The following CPED1 variants were observed in gnomAD, a reference collection of about 807,000 sequenced individuals.
CPED1 encodes cadherin-like and PC-esterase domain-containing protein 1.
Under a neutral mutation model 128.2 loss-of-function variants are expected in CPED1, and 114 were observed. That is an observed-to-expected ratio of 0.89 (90% CI 0.76 to 1.04). The LOEUF is 1.04. CPED1 is among the 50% of genes least tolerant of loss of function. The pLI, the probability that CPED1 is intolerant of heterozygous loss-of-function variation, is 0.00. For missense variants in CPED1, 1,211 were observed against 1,207.1 expected (o/e 1.00, Z -0.05); for synonymous variants, 462 against 426.7 (o/e 1.08, Z -1.02).
chr7:121,008,675 T>C (rs1445437451), intron 2 of CPED1, among the ~76,000 whole-genome samples: 1 of 152,156 alleles, frequency 6.6e-6, no homozygotes, highest in Non-Finnish European at 1.5e-5. Flanking sequence ...AAAGAGCTCC[T>C]GGATCATTCT....
chr7:121,247,737 G>T (rs550531884), intron 18 of CPED1, among the ~76,000 whole-genome samples: 1 of 152,232 alleles, frequency 6.6e-6, no homozygotes, highest in East Asian at 1.9e-4. Context: ...AGACATAGAT[G>T]GTACCTGAGC....
At chr7:121,117,504 TTTTTCTTC>T (rs1181801923) in intron 7 of CPED1, among the ~76,000 whole-genome samples, 1 of 152,132 alleles carries the variant, frequency 6.6e-6, no homozygotes, top group Non-Finnish European at 1.5e-5. Context: ...TTTTTTTCTC[TTTTTCTTC>T]TATTGTTAAA....
At chr7:120,995,915 CCTT>C (rs1423407572) in intron 2 of CPED1, among the ~76,000 whole-genome samples, 5 of 91,732 alleles carry the variant, frequency 5.5e-5, no homozygotes, top group African/African-American at 1.8e-4. Flanking sequence ...TTCTTCTTCT[CCTT>C]CTCCTCCTCC....
chr7:121,014,070 C>T (rs1332578591), intron 2 of CPED1, among the ~76,000 whole-genome samples: 1 of 151,968 alleles, frequency 6.6e-6, no homozygotes, highest in Non-Finnish European at 1.5e-5. Context: ...TAATGTTTGA[C>T]TATTGAGAGT....
intron 16 of CPED1, among the ~76,000 whole-genome samples, chr7:121,219,437 A>C (rs1485500470): frequency 1.3e-5 from 2 of 152,162 alleles, no homozygotes; most frequent in Admixed American, 6.6e-5. Context: ...AAAGAAAAAA[A>C]CTTTATATTA....
intron 18 of CPED1, among the ~76,000 whole-genome samples, chr7:121,250,716 A>G (rs942395089): frequency 7.2e-5 from 11 of 152,192 alleles, no homozygotes; most frequent in African/African-American, 2.4e-4. Context: ...TAGAAAATCT[A>G]GAAGAAATGG....
chr7:121,284,547 C>G (rs1414357131), intron 22 of CPED1, among the ~76,000 whole-genome samples: 1 of 152,176 alleles, frequency 6.6e-6, no homozygotes, highest in Non-Finnish European at 1.5e-5. Context: ...TAGTTACTTC[C>G]TAGATAAAAT....
At position 121,071,842 on chromosome 7, in the gene CPED1, TCTTCAG is replaced by T. The variant is rs571985934; in HGVS notation, c.616+7543_616+7548del. ...TTGAGTTTATCCATGATCTCATTTC[TCTTCAG>T]CTTCAGCTTCAGCCTCCCACCTCTG... On this transcript the variant is annotated intron_variant, in intron 5 of 22. Coordinates refer to ENST00000310396, the MANE Select transcript of CPED1 (RefSeq NM_024913.5). 4.6e-4 allele frequency among the ~76,000 whole-genome samples: 70 copies of T among 152,274 alleles called. No homozygotes were observed. In the East Asian group the frequency reaches 7.0e-3, roughly 15 times the overall value.
chr7:121,228,492 G>A (rs1798066411), intron 16 of CPED1, among the ~76,000 whole-genome samples: 1 of 150,312 alleles, frequency 6.7e-6, no homozygotes, highest in South Asian at 2.1e-4. Context: ...AAAAATAGAT[G>A]TTGGCAAGGA....
At chr7:121,139,650 T>A (rs969042865) in intron 14 of CPED1, among the ~76,000 whole-genome samples, 2 of 152,034 alleles carry the variant, frequency 1.3e-5, no homozygotes, top group African/African-American at 4.8e-5. Context: ...TATTGGGAGC[T>A]TGGACTTGAC....
chr7:121,167,177 T>A (rs1796549121), intron 16 of CPED1, among the ~76,000 whole-genome samples: 1 of 152,168 alleles, frequency 6.6e-6, no homozygotes, highest in East Asian at 1.9e-4. Context: ...TAGATGATTA[T>A]CTCTATGCCC....
chr7:121,157,371 G>C (rs1357539046), intron 16 of CPED1, among the ~76,000 whole-genome samples: 1 of 152,148 alleles, frequency 6.6e-6, no homozygotes, highest in African/African-American at 2.4e-5. Flanking sequence ...GTGCACCAGG[G>C]AGCCCTGCAA....
At chr7:121,091,357 T>C (rs1341568641) in intron 5 of CPED1, among the ~76,000 whole-genome samples, 6 of 152,208 alleles carry the variant, frequency 3.9e-5, no homozygotes, top group Non-Finnish European at 2.9e-5. Flanking sequence ...CATGTATAAG[T>C]AAAGATACTG....
At chr7:121,231,920 T>C (rs1361175700) in intron 16 of CPED1, among the ~76,000 whole-genome samples, 1 of 152,128 alleles carries the variant, frequency 6.6e-6, no homozygotes, top group Non-Finnish European at 1.5e-5. Context: ...ATAGAATGAA[T>C]CCATACAGAC....
chr7:121,080,879 T>G (rs1214158277), intron 5 of CPED1, among the ~76,000 whole-genome samples: 1 of 152,100 alleles, frequency 6.6e-6, no homozygotes, highest in Non-Finnish European at 1.5e-5. Flanking sequence ...ACAAGTGTTA[T>G]AAAAGAAAAA....
At chr7:121,189,798 A>AT (rs869279165) in intron 16 of CPED1, among the ~76,000 whole-genome samples, 12,263 of 49,330 alleles carry the variant, frequency 0.25, 1,395 homozygotes, top group Admixed American at 0.3. Flanking sequence ...ATATATATAT[A>AT]AAATTTGTAT....
chr7:121,238,859 T>C (rs763732598), intron 17 of CPED1, among the ~76,000 whole-genome samples: 1 of 151,888 alleles, frequency 6.6e-6, no homozygotes, highest in Non-Finnish European at 1.5e-5. Flanking sequence ...AGAGAAGAGA[T>C]TGTCCCTTAT....
chr7:121,130,161 A>G lies in CPED1; in HGVS notation c.1444A>G (p.Met482Val), dbSNP rs1480052194. ...TACTACTCCTGGGATTCAGTCACTG[A>G]TGCATGAATTTTATGATGTGGCAAA... Reference protein sequence around the residue: ...PSTTPGIQSLMHEFYDVANPV... With the variant: ...PSTTPGIQSLVHEFYDVANPV... Residue 482 changes from methionine to valine, a missense_variant, in exon 12 of 23, where the codon ATG (methionine) becomes GTG (valine). Physicochemically the swap from Met to Val is conservative, Grantham distance 21. Transcript: ENST00000310396. The G allele has an allele frequency of 1.2e-6, 2 of 1,612,800 alleles. No individual in the cohort carries two copies. The highest frequency in any genetic ancestry group is 3.3e-5 in the Admixed American group (2 of 59,954).
rs905641488 is a variant in CPED1, at chr7:121,078,591, A to G, written c.616+14278A>G. On this transcript the variant is annotated intron_variant, in intron 5 of 22. Transcript: ENST00000310396. ...TTATGCTTGAATTGCATATATCCTA[A>G]CTATTTCTGTATGTTGGCCTTATTC... 2.6e-5 allele frequency among the ~76,000 whole-genome samples: 4 copies of G among 151,096 alleles called. No individual in the cohort carries two copies. The East Asian group carries it at 7.8e-4, about 29-fold the overall frequency.
Sources: allele counts gnomAD v4.1 joint callset (sites outside exome capture counted in the v4.1 genomes callset), GRCh38; gene constraint gnomAD v4.1.1; transcripts MANE v1.5; gene names NCBI Gene and HGNC (gene_info 2026-07-23, HGNC 2026-07-21).